The following FGF13 variants were observed in gnomAD, a reference collection of about 807,000 sequenced individuals.
FGF13 encodes fibroblast growth factor homologous factor 2.
A neutral mutation model predicts 19.5 loss-of-function variants in FGF13; 2 were observed. The observed-to-expected ratio is 0.10, with a 90% CI of 0.04 to 0.32. The LOEUF (loss-of-function observed/expected upper bound fraction) is 0.32, where lower values mean the gene tolerates loss of function less well. Ranked by LOEUF, FGF13 falls within the 10% of genes least tolerant of loss-of-function variation. The pLI is 1.00. For synonymous variants in FGF13, 72 were observed against 76.9 expected (o/e 0.94, Z 0.33); for missense variants, 113 against 192.7 (o/e 0.59, Z 2.45).
intron 1 of FGF13, among the ~76,000 whole-genome samples, chrX:139,125,042 T>C (rs1226422894): frequency 8.9e-6 from 1 of 112,026 alleles, no homozygotes; most frequent in Admixed American, 9.5e-5. Flanking sequence ...GTTTTTTGCT[T>C]CTGTCCATGA....
chrX:139,005,392 T>A (rs1487068596), intron 1 of FGF13, among the ~76,000 whole-genome samples: 1 of 111,592 alleles, frequency 9.0e-6, no homozygotes, highest in African/African-American at 3.3e-5. Flanking sequence ...TGCCTCCTAA[T>A]GCAGACAAGG....
At chrX:138,910,680 T>C (rs2091583054) in intron 1 of FGF13, among the ~76,000 whole-genome samples, 1 of 112,300 alleles carries the variant, frequency 8.9e-6, no homozygotes, top group Non-Finnish European at 1.9e-5. Flanking sequence ...CAGGTGAGCA[T>C]CTACCATCCC....
At chrX:138,963,073 C>T (rs757129386) in intron 1 of FGF13, among the ~76,000 whole-genome samples, 1 of 112,519 alleles carries the variant, frequency 8.9e-6, no homozygotes, top group East Asian at 2.8e-4. Flanking sequence ...ATAGTAAGGA[C>T]CTCAAGAAAC....
intron 1 of FGF13, among the ~76,000 whole-genome samples, chrX:138,882,184 T>A: frequency 9.0e-6 from 1 of 111,216 alleles, no homozygotes; most frequent in Non-Finnish European, 1.9e-5. Context: ...TCCTGAATTT[T>A]CCAGGTTTCC....
At chrX:138,929,578 T>C (rs188572111) in intron 1 of FGF13, among the ~76,000 whole-genome samples, 1 of 111,409 alleles carries the variant, frequency 9.0e-6, no homozygotes, top group Non-Finnish European at 1.9e-5. Context: ...AAAGGCCAGA[T>C]GATGCCTGGC....
chrX:138,617,372 T>C lies in FGF13; in HGVS notation c.*15478A>G, dbSNP rs1450870477. 8.9e-6 allele frequency: 1 copy of C among 112,187 alleles called. No homozygotes were observed. Among genetic ancestry groups the C allele is most frequent in the Non-Finnish European group, 1.9e-5 (1 of 53,285 alleles). The allele number at this position is 112,187 out of a possible 1,213,427, so 9.2% of individuals were successfully genotyped here. On this transcript the variant is annotated 3_prime_UTR_variant, in exon 5 of 5. Coordinates refer to ENST00000315930, the MANE Select transcript of FGF13 (RefSeq NM_004114.5). Reference sequence around the variant, plus strand: ...AGATAAGAGCATTAATTGATGGATATATTTTCATAATGAAATGTTGGGGGA... The same window carrying C: ...AGATAAGAGCATTAATTGATGGATACATTTTCATAATGAAATGTTGGGGGA...
chrX:138,684,007 T>G (rs1170532449), intron 3 of FGF13, among the ~76,000 whole-genome samples: 1 of 111,659 alleles, frequency 9.0e-6, no homozygotes, highest in Non-Finnish European at 1.9e-5. Context: ...AGGAAATAAC[T>G]GTTCATTTCC....
chrX:138,757,971 A>T (rs1183391632), intron 3 of FGF13, among the ~76,000 whole-genome samples: 1 of 112,139 alleles, frequency 8.9e-6, no homozygotes, highest in Non-Finnish European at 1.9e-5. Context: ...ACTCAGGTCA[A>T]TTGTACTTCA....
intron 3 of FGF13, among the ~76,000 whole-genome samples, chrX:138,665,397 A>C (rs2124159399): frequency 9.0e-6 from 1 of 111,491 alleles, no homozygotes; most frequent in South Asian, 3.8e-4. Context: ...CCTTACTGCA[A>C]GTGTTCCTGA....
intron 3 of FGF13, among the ~76,000 whole-genome samples, chrX:138,661,648 C>T (rs997112124): frequency 3.6e-5 from 4 of 111,562 alleles, no homozygotes; most frequent in Non-Finnish European, 7.5e-5. Flanking sequence ...AATTTCTCTG[C>T]CTCAGAGTAC....
intron 1 of FGF13, among the ~76,000 whole-genome samples, chrX:139,118,301 A>G (rs751698868): frequency 8.9e-6 from 1 of 112,262 alleles, no homozygotes; most frequent in Non-Finnish European, 1.9e-5. Flanking sequence ...TCAAGTTATA[A>G]TATTTTCAAC....
rs1602627895 is a variant in FGF13, at chrX:138,620,006, T to C, written c.*12844A>G. On this transcript the variant is annotated 3_prime_UTR_variant, in exon 5 of 5. Transcript: ENST00000315930. ...AATATAAATCATTCTATTACAAAGA[T>C]ACATGCACGCATATGTTCACTGCAG... is the stretch of plus-strand genomic sequence containing the variant. 1 of 111,677 alleles carries C rather than the reference T, an allele frequency of 9.0e-6. No individual in the cohort carries two copies. The highest frequency in any genetic ancestry group is 2.8e-4 in the East Asian group (1 of 3,576). The allele number at this position is 111,677 out of a possible 1,213,427, so 9.2% of individuals were successfully genotyped here. A position where few individuals can be genotyped will look rare whatever the true frequency, so the allele number is the denominator to read the frequency against.
At chrX:139,094,996 G>T (rs187180283) in intron 1 of FGF13, among the ~76,000 whole-genome samples, 10 of 112,512 alleles carry the variant, frequency 8.9e-5, no homozygotes, top group Admixed American at 4.7e-4. Context: ...AGTACAAATT[G>T]CCCCCAAATA....
chrX:138,962,792 A>G (rs902738139), intron 1 of FGF13, among the ~76,000 whole-genome samples: 1 of 111,611 alleles, frequency 9.0e-6, no homozygotes, highest in African/African-American at 3.3e-5. Flanking sequence ...TGGGAATTGA[A>G]CAATGAGAAC....
intron 1 of FGF13, among the ~76,000 whole-genome samples, chrX:138,991,676 T>C (rs2092015973): frequency 1.8e-5 from 2 of 112,243 alleles, no homozygotes; most frequent in African/African-American, 6.5e-5. Context: ...TGAACATGAC[T>C]ATATTTCCTT....
At chrX:138,915,038 T>C (rs1346861100) in intron 1 of FGF13, among the ~76,000 whole-genome samples, 8 of 111,102 alleles carry the variant, frequency 7.2e-5, no homozygotes, top group Non-Finnish European at 5.7e-5. Flanking sequence ...TCCAGGGAGT[T>C]GACATTCCTA....
At chrX:138,801,365 CG>C (rs2090827747) in intron 3 of FGF13, among the ~76,000 whole-genome samples, 1 of 111,894 alleles carries the variant, frequency 8.9e-6, no homozygotes, top group African/African-American at 3.2e-5. Context: ...GCTGGAGTTT[CG>C]GGGAAGTCCA....
chrX:138,769,634 C>A (rs139835133), intron 3 of FGF13, among the ~76,000 whole-genome samples: 2 of 112,201 alleles, frequency 1.8e-5, no homozygotes, highest in South Asian at 7.5e-4. Context: ...CTGAGATTAG[C>A]GTTGGTGTGG....
At chrX:139,185,319 C>T (rs2084274436) in intron 1 of FGF13, among the ~76,000 whole-genome samples, 1 of 112,193 alleles carries the variant, frequency 8.9e-6, no homozygotes, top group Admixed American at 9.4e-5. Flanking sequence ...CTATATAATA[C>T]TGGCTTTTGT....
Sources: allele counts gnomAD v4.1 joint callset (sites outside exome capture counted in the v4.1 genomes callset), GRCh38; gene constraint gnomAD v4.1.1; transcripts MANE v1.5; gene names NCBI Gene and HGNC (gene_info 2026-07-23, HGNC 2026-07-21).